Variants in ZNF596 observed in about 807,000 individuals in gnomAD.
ZNF596 encodes zinc finger protein 596.
A neutral mutation model predicts 48.3 loss-of-function variants in ZNF596; 45 were observed. The ratio of observed to expected loss-of-function variants is 0.93; its 90% confidence interval spans 0.73 to 1.19. The LOEUF is 1.19. Ranked by LOEUF, ZNF596 falls within the 50% of genes most tolerant of loss-of-function variation. The probability of loss-of-function intolerance (pLI) is 0.00; values close to 1 mark genes in which losing one functional copy is unlikely to be tolerated. For missense variants in ZNF596, 848 were observed against 599.7 expected, an observed-to-expected ratio of 1.41 and a Z score of -4.32; for synonymous variants, 270 against 202.0, an observed-to-expected ratio of 1.34 and a Z score of -2.85.
In ZNF596 at chr8:233,133, T is replaced by G. The variant is rs537785505; in HGVS notation, c.-73+439T>G. On this transcript the variant is annotated intron_variant, in intron 1 of 5. Transcript: ENST00000398612. ...AGGGGAGGGAAGTTTAGATGGGAAGTGGATGGGTCTGAGGAATTTGAACAA... is the reference window on the plus strand; with the variant it reads ...AGGGGAGGGAAGTTTAGATGGGAAGGGGATGGGTCTGAGGAATTTGAACAA... The G allele has an allele frequency of 1.4e-3, 659 of 467,700 alleles. 10 individuals carry two copies. Among genetic ancestry groups the G allele is most frequent in the South Asian group, 4.2e-3 (272 of 64,490 alleles). 29.0% of individuals were successfully genotyped at this position (467,700 alleles called of 1,614,324 possible).
chr8:244,770 GGTACAGGTACCTGACT>G, intron 5 of ZNF596, 69 bp downstream of exon 5: 1 of 1,309,448 alleles, frequency 7.6e-7, no homozygotes, highest in Non-Finnish European at 1.1e-6. Context: ...TTTGGAATTT[GGTACAGGTACCTGACT>G]GTACTTAAAG....
chr8:235,233 C>T (rs1796573648), intron 1 of ZNF596, among the ~76,000 whole-genome samples: 1 of 152,178 alleles, frequency 6.6e-6, no homozygotes, highest in Non-Finnish European at 1.5e-5. Context: ...AACATCTGTT[C>T]CAAGGAGACC....
chr8:243,503 G>T, intron 3 of ZNF596: 1 of 430,078 alleles, frequency 2.3e-6, no homozygotes, highest in Non-Finnish European at 4.2e-6. Context: ...TTGAAGTGAG[G>T]CATGGCCATC....
rs1201744627 is a variant in ZNF596 at position 246,030 on chromosome 8, G to A, written c.1183G>A (p.Val395Ile). 1 of 1,611,500 alleles carries A rather than the reference G, an allele frequency of 6.2e-7. No individual in the cohort carries two copies. The highest frequency in any genetic ancestry group is 8.5e-7 in the Non-Finnish European group (1 of 1,179,296). The change falls in exon 6 of 6, where the codon GTA (valine) becomes ATA (isoleucine). Residue 395 changes from valine to isoleucine, a missense_variant. Val to Ile is a conservative substitution (Grantham distance 29, BLOSUM62 3). Transcript: ENST00000398612. ...HTGEKPYECH[V>I]CGKAFTESSD... Reference sequence around the variant, plus strand: ...TGGAGAGAAACCATATGAGTGCCATGTATGTGGGAAAGCCTTCACTGAATC... The same window carrying A: ...TGGAGAGAAACCATATGAGTGCCATATATGTGGGAAAGCCTTCACTGAATC...
At chr8:244,259 T>C (rs1056111885) in intron 4 of ZNF596, 10 of 234,162 alleles carry the variant, frequency 4.3e-5, no homozygotes, top group Admixed American at 1.7e-4. Flanking sequence ...TTCTCAGATA[T>C]TGTCATTATA....
At position 245,879 on chromosome 8, in the gene ZNF596, C is replaced by G. The variant is rs116191154; in HGVS notation, c.1032C>G (p.Phe344Leu). 1 of 1,613,708 alleles carries G rather than the reference C, an allele frequency of 6.2e-7. No homozygotes were observed. Among genetic ancestry groups the G allele is most frequent in the South Asian group, 1.1e-5 (1 of 91,060 alleles). The change falls in exon 6 of 6, where the codon TTC (phenylalanine) becomes TTG (leucine). Residue 344 changes from phenylalanine (F) to leucine (L), a missense_variant. By Grantham distance (22) the Phe-to-Leu change is conservative (BLOSUM62 0). Coordinates refer to ENST00000398612, the MANE Select transcript of ZNF596 (RefSeq NM_001042416.3). The stretch of plus-strand genomic sequence containing the variant: ...AATGTCATCTATGTGGAAAAGCCTT[C>G]TCTCATTGTTCTCACCTTAGACAAC... ...PYECHLCGKA[F>L]SHCSHLRQHE...
chr8:245,864 A>G lies in ZNF596; in HGVS notation c.1017A>G (p.Leu339=). The G allele has an allele frequency of 1.2e-6, 2 of 1,614,042 alleles. No homozygotes were observed. Among genetic ancestry groups the G allele is most frequent in the African/African-American group, 1.3e-5 (1 of 75,032 alleles). ...GAGAGAAACCATATGAATGTCATCT[A>G]TGTGGAAAAGCCTTCTCTCATTGTT... ...HNGEKPYECH[L]CGKAFSHCSH... is the part of the protein sequence containing the mutation. Residue 339 remains leucine, a synonymous_variant, in exon 6 of 6, where the codon CTA becomes CTG. Transcript: ENST00000398612.
At chr8:235,894 AT>A (rs1796597385) in intron 1 of ZNF596, among the ~76,000 whole-genome samples, 1 of 152,052 alleles carries the variant, frequency 6.6e-6, no homozygotes, top group Non-Finnish European at 1.5e-5. Flanking sequence ...TGACAACTTT[AT>A]TTTTTTCTTT....
At chr8:240,164 C>G (rs952415709) in intron 1 of ZNF596, 1 of 152,196 alleles carries the variant, frequency 6.6e-6, no homozygotes, top group Non-Finnish European at 1.5e-5. Context: ...AGTGTCCTTT[C>G]ATTTCAACTT....
intron 1 of ZNF596, chr8:233,580 A>G: frequency 6.4e-6 from 1 of 156,834 alleles, no homozygotes; most frequent in Non-Finnish European, 1.4e-5. Flanking sequence ...AAGTTTAAGT[A>G]TCAAGTTTTC....
chr8:233,207 T>C, intron 1 of ZNF596: 1 of 440,242 alleles, frequency 2.3e-6, no homozygotes, highest in Non-Finnish European at 4.7e-6. Context: ...GTGGGGTAAA[T>C]GGAAATAGAC....
At chr8:244,430 TA>T (rs1796977652) in intron 4 of ZNF596, 188 bp from the exon 5 acceptor site, 2 of 574,958 alleles carry the variant, frequency 3.5e-6, no homozygotes, top group Non-Finnish European at 6.0e-6. Context: ...GACTTGCCTT[TA>T]TTTTTTTATA....
rs199710013 is a variant in ZNF596, at chr8:245,775, C to G, written c.928C>G (p.Leu310Val). The change falls in exon 6 of 6, where the codon CTC (leucine) becomes GTC (valine). Residue 310 changes from leucine to valine, a missense_variant. Coordinates refer to ENST00000398612, the MANE Select transcript of ZNF596 (RefSeq NM_001042416.3). ...CTTAGGAGATAAACCATATGGATGT[C>G]TCCTATGTGGGAAGGCTTTCAGTAA... ...THLGDKPYGC[L>V]LCGKAFSKCS... 1.9e-6 allele frequency: 3 copies of G among 1,613,898 alleles called. No individual in the cohort carries two copies. Among genetic ancestry groups the G allele is most frequent in the Non-Finnish European group, 2.5e-6 (3 of 1,180,008 alleles).
chr8:243,374 A>G lies in ZNF596; in HGVS notation c.140-348A>G, dbSNP rs976100521. ...TATCATAGGGACTGTTCTGCACAGA[A>G]CCTAGATTGTTCTGGTGGAGCTAAT... On this transcript the variant is annotated intron_variant, in intron 3 of 5. Transcript: ENST00000398612. 1.0e-5 allele frequency: 3 copies of G among 286,846 alleles called. No individual in the cohort carries two copies. The East Asian group carries it at 2.1e-4, about 20-fold the overall frequency. The allele number at this position is 286,846 out of a possible 1,614,324, so 17.8% of individuals were successfully genotyped here.
Position 240,853 on chromosome 8 carries a change from A to G in ZNF596, c.-43A>G. 1 of 1,613,254 alleles carries G rather than the reference A, an allele frequency of 6.2e-7. No individual in the cohort carries two copies. Among genetic ancestry groups the G allele is most frequent in the South Asian group, 1.1e-5 (1 of 91,066 alleles). On this transcript the variant is annotated 5_prime_UTR_variant, in exon 2 of 6. It removes the in-frame stop codon of an upstream open reading frame in the 5' UTR. Coordinates refer to ENST00000398612, the MANE Select transcript of ZNF596 (RefSeq NM_001042416.3). ...GTCTTCTTAGTGCTTGGATGGTGTG[A>G]GTGAAAACCCAGAGGAATACATTTG...
chr8:241,428 C>T (rs991340002), intron 2 of ZNF596, among the ~76,000 whole-genome samples: 1 of 152,108 alleles, frequency 6.6e-6, no homozygotes, highest in Non-Finnish European at 1.5e-5. Context: ...TTTATTTTTC[C>T]TATCTCAAAA....
chr8:233,135 G>C, intron 1 of ZNF596: 1 of 468,268 alleles, frequency 2.1e-6, no homozygotes, highest in South Asian at 1.6e-5. Context: ...ATGGGAAGTG[G>C]ATGGGTCTGA....
chr8:242,818 T>C (rs1796908114), intron 2 of ZNF596, 69 bp from the exon 3 acceptor site: 3 of 1,376,564 alleles, frequency 2.2e-6, no homozygotes, highest in Non-Finnish European at 2.8e-6. Flanking sequence ...GTACAGTCAC[T>C]TTGATCTTGC....
chr8:241,050 A>G, intron 2 of ZNF596, 143 bp downstream of exon 2: 1 of 1,036,122 alleles, frequency 9.7e-7, no homozygotes, highest in Non-Finnish European at 1.5e-6. Context: ...CGGAATGTTT[A>G]CATTGGCTCA....
Sources: allele counts gnomAD v4.1 joint callset (sites outside exome capture counted in the v4.1 genomes callset), GRCh38; gene constraint gnomAD v4.1.1; transcripts MANE v1.5; gene names NCBI Gene and HGNC (gene_info 2026-07-23, HGNC 2026-07-21).